Variants in RABGAP1L observed in about 807,000 individuals in gnomAD.
RABGAP1L encodes the protein RAB GTPase activating protein 1 like, also known as rab GTPase-activating protein 1-like.
In RABGAP1L, 63 loss-of-function variants were observed where a neutral mutation model predicts 137.7. That is an observed-to-expected ratio of 0.46 (90% CI 0.37 to 0.56). The LOEUF is 0.56. Among genes scored for constraint, RABGAP1L ranks in the 20% least tolerant of loss-of-function variants. The pLI is 0.00. For missense variants in RABGAP1L, 1,095 were observed against 1,244.0 expected (o/e 0.88, Z 1.80); for synonymous variants, 431 against 433.7 (o/e 0.99, Z 0.08).
intron 16 of RABGAP1L, chr1:174,700,345 C>G (rs1055703548): frequency 1.3e-5 from 2 of 151,986 alleles, no homozygotes; most frequent in Admixed American, 1.3e-4. Context: ...GTTTATGTGA[C>G]TTTGTTTAAA....
intron 17 of RABGAP1L, among the ~76,000 whole-genome samples, chr1:174,717,222 C>G (rs930600658): frequency 1.3e-5 from 2 of 152,046 alleles, no homozygotes; most frequent in Admixed American, 6.6e-5. Flanking sequence ...CCAGCCTGAT[C>G]AACGTGGCGA....
chr1:174,401,966 T>A (rs61826865), intron 13 of RABGAP1L, among the ~76,000 whole-genome samples: 13,451 of 152,210 alleles, frequency 0.088, 814 homozygotes, highest in East Asian at 0.21. Context: ...AAGTTCAGTA[T>A]GACCCATGGG....
intron 19 of RABGAP1L, among the ~76,000 whole-genome samples, chr1:174,926,598 G>C (rs545656670): frequency 1.3e-5 from 2 of 151,648 alleles, no homozygotes; most frequent in Admixed American, 1.3e-4. Context: ...AATTAATCTC[G>C]TATGTAACAA....
chr1:174,226,314 G>A (rs547451100), intron 3 of RABGAP1L, among the ~76,000 whole-genome samples: 5 of 152,242 alleles, frequency 3.3e-5, no homozygotes, highest in East Asian at 3.9e-4. Context: ...TAATCCCAGC[G>A]CTTTGGGAAG....
intron 14 of RABGAP1L, among the ~76,000 whole-genome samples, chr1:174,647,642 C>T (rs1172031760): frequency 4.6e-5 from 7 of 152,030 alleles, no homozygotes; most frequent in Admixed American, 4.6e-4. Context: ...CATTGATGTT[C>T]ATCGGGGGTA....
Position 174,702,146 on chromosome 1 carries a change from G to T in RABGAP1L, c.2059G>T (p.Asp687Tyr), listed in dbSNP as rs780920670. 1.9e-6 allele frequency: 3 copies of T among 1,611,148 alleles called. No individual in the cohort carries two copies. The African/African-American group carries it at 4.0e-5, about 22-fold the overall frequency. The stretch of plus-strand genomic sequence containing the variant: ...ACCGGACCTGCATAGCCATTTTTCT[G>T]ATCTGAACCTGGAAGCTCATATGTA... ...QLPDLHSHFSDLNLEAHMYAS... is the reference protein window; with the variant it reads ...QLPDLHSHFSYLNLEAHMYAS... The change falls in exon 17 of 26, where the codon GAT becomes TAT. Residue 687 changes from aspartate (D) to tyrosine (Y), a missense_variant. Coordinates refer to ENST00000681986, the MANE Select transcript of RABGAP1L (RefSeq NM_001366446.1).
rs1455334622 is a variant in RABGAP1L, at chr1:174,650,968, A to G, written c.1824+13480A>G. On this transcript the variant is annotated intron_variant, in intron 14 of 25. Coordinates refer to ENST00000681986, the MANE Select transcript of RABGAP1L (RefSeq NM_001366446.1). ...ATCTTTCCTGCTTTCTCTTGTGGGC[A>G]TTTAGTGCTATAAATTTCCCTCTAC... Among the ~76,000 whole-genome samples the G allele has an allele frequency of 1.0e-4, 15 of 147,292 alleles. No individual in the cohort carries two copies. The East Asian group carries it at 2.5e-3, about 25-fold the overall frequency.
chr1:174,441,818 A>G (rs1654188865), intron 13 of RABGAP1L, among the ~76,000 whole-genome samples: 1 of 151,628 alleles, frequency 6.6e-6, no homozygotes, highest in African/African-American at 2.4e-5. Context: ...AGAAAAAACT[A>G]CTTTGAGCTG....
intron 1 of RABGAP1L, among the ~76,000 whole-genome samples, chr1:174,211,045 A>G (rs1238534560): frequency 6.6e-6 from 1 of 152,208 alleles, no homozygotes; most frequent in African/African-American, 2.4e-5. Flanking sequence ...ACAAAAGCTG[A>G]GGGATTTCAT....
intron 19 of RABGAP1L, among the ~76,000 whole-genome samples, chr1:174,929,753 AAAATAAATAAATAAAT>A (rs61539169): frequency 4.3e-5 from 6 of 140,794 alleles, no homozygotes; most frequent in East Asian, 2.0e-4. Context: ...GTCTCTACAA[AAAATAAATAAATAAAT>A]AAATAAATAA....
intron 19 of RABGAP1L, among the ~76,000 whole-genome samples, chr1:174,933,778 T>C (rs1664262830): frequency 6.6e-6 from 1 of 152,170 alleles, no homozygotes; most frequent in Non-Finnish European, 1.5e-5. Context: ...CTAGGTTATC[T>C]CTGGCATAAT....
At chr1:174,869,910 C>A (rs2981892) in intron 19 of RABGAP1L, among the ~76,000 whole-genome samples, 57,005 of 151,954 alleles carry the variant, frequency 0.38, 13,036 homozygotes, top group African/African-American at 0.65. Flanking sequence ...CCAGCACCTT[C>A]ATCTTCCACA....
chr1:174,660,454 C>T (rs1283004435), intron 14 of RABGAP1L, among the ~76,000 whole-genome samples: 1 of 152,148 alleles, frequency 6.6e-6, no homozygotes, highest in Non-Finnish European at 1.5e-5. Context: ...CTTACTGACT[C>T]CACCTTCAAA....
chr1:174,555,813 G>C (rs1398690369), intron 13 of RABGAP1L, among the ~76,000 whole-genome samples: 1 of 152,048 alleles, frequency 6.6e-6, no homozygotes, highest in African/African-American at 2.4e-5. Context: ...ATAGGAATGG[G>C]AAAGAATATG....
intron 13 of RABGAP1L, among the ~76,000 whole-genome samples, chr1:174,614,189 C>T (rs937750770): frequency 6.6e-6 from 1 of 152,134 alleles, no homozygotes; most frequent in African/African-American, 2.4e-5. Context: ...TTTGCAGTGG[C>T]TGGTACCGGT....
At chr1:174,760,008 A>G (rs2148699586) in intron 18 of RABGAP1L, among the ~76,000 whole-genome samples, 1 of 152,294 alleles carries the variant, frequency 6.6e-6, no homozygotes, top group Admixed American at 6.5e-5. Context: ...CCATATCAAT[A>G]TGATTAGTTT....
intron 17 of RABGAP1L, among the ~76,000 whole-genome samples, chr1:174,711,923 C>G (rs1680556704): frequency 6.6e-6 from 1 of 152,198 alleles, no homozygotes; most frequent in African/African-American, 2.4e-5. Flanking sequence ...TGTAAATGCA[C>G]CAGTCAGCAC....
rs75368275 is a variant in RABGAP1L at position 174,909,378 on chromosome 1, C to T, written c.2341-48079C>T. Among the ~76,000 whole-genome samples, 224 of 152,166 alleles carry T rather than the reference C, an allele frequency of 1.5e-3. 1 individual carries two copies. Among genetic ancestry groups the T allele is most frequent in the South Asian group, 4.4e-3 (21 of 4,810 alleles). Reference sequence around the variant, plus strand: ...AGCTGGGACTATAGGTATGTGCCACCATACACCTGACTGATTTTTTTAAAT... The same window carrying T: ...AGCTGGGACTATAGGTATGTGCCACTATACACCTGACTGATTTTTTTAAAT... On this transcript the variant is annotated intron_variant, in intron 19 of 25. Transcript: ENST00000681986.
intron 6 of RABGAP1L, among the ~76,000 whole-genome samples, chr1:174,251,129 A>G (rs1672680068): frequency 6.6e-6 from 1 of 152,222 alleles, no homozygotes; most frequent in African/African-American, 2.4e-5. Flanking sequence ...TGATTTAAAA[A>G]ATACTGATAC....
Sources: allele counts gnomAD v4.1 joint callset (sites outside exome capture counted in the v4.1 genomes callset), GRCh38; gene constraint gnomAD v4.1.1; transcripts MANE v1.5; gene names NCBI Gene and HGNC (gene_info 2026-07-23, HGNC 2026-07-21).